ART1: variants seen among roughly 807,000 people sequenced by gnomAD.
ART1 encodes ADP-ribosyltransferase 1, also known as GPI-linked NAD(P)(+)--arginine ADP-ribosyltransferase 1.
A neutral mutation model predicts 27.0 loss-of-function variants in ART1; 29 were observed. The observed-to-expected ratio is 1.08, with a 90% confidence interval of 0.80 to 1.47. The LOEUF (loss-of-function observed/expected upper bound fraction) is 1.47. Among genes scored for constraint, ART1 ranks in the 40% most tolerant of loss-of-function variants. The pLI is 0.00. For synonymous variants in ART1, 201 were observed against 172.2 expected (o/e 1.17, Z -1.31); for missense variants, 480 against 423.0 (o/e 1.13, Z -1.18).
intron 3 of ART1, among the ~76,000 whole-genome samples, chr11:3,660,905 G>A (rs2077615058): frequency 6.6e-6 from 1 of 152,190 alleles, no homozygotes; most frequent in South Asian, 2.1e-4. Context: ...AGTGGTGGAT[G>A]CTCCTCCTGT....
In ART1 at chr11:3,664,076, C is replaced by T. The variant is rs1375699270; in HGVS notation, c.887-16C>T. 2 of 1,612,764 alleles carry T rather than the reference C, an allele frequency of 1.2e-6. No individual in the cohort carries two copies. The highest frequency in any genetic ancestry group is 1.3e-5 in the African/African-American group (1 of 74,866). On this transcript the variant is annotated splice_polypyrimidine_tract_variant and intron_variant, in intron 4 of 4. Coordinates refer to ENST00000250693, the MANE Select transcript of ART1 (RefSeq NM_004314.3). Reference sequence around the variant, plus strand: ...CTCTCTCTCTCCCCCAACCTCTCTGCCTGTTTTCCCTGCAGCCATGGGTCA... The same window carrying T: ...CTCTCTCTCTCCCCCAACCTCTCTGTCTGTTTTCCCTGCAGCCATGGGTCA...
At chr11:3,647,845 A>T (rs2077481822) in intron 1 of ART1, among the ~76,000 whole-genome samples, 1 of 152,114 alleles carries the variant, frequency 6.6e-6, no homozygotes, top group Admixed American at 6.6e-5. Flanking sequence ...AAAAAAAAAA[A>T]AGTAAAGTTG....
At chr11:3,661,488 ATCTTT>A in intron 4 of ART1, 75 bp downstream of exon 4, 1 of 365,744 alleles carries the variant, frequency 2.7e-6, no homozygotes, top group Non-Finnish European at 4.5e-6. Flanking sequence ...CATCACCTCG[ATCTTT>A]TTTTTTTTTT....
intron 1 of ART1, among the ~76,000 whole-genome samples, chr11:3,648,261 C>T (rs11028762): frequency 1.3e-5 from 2 of 152,222 alleles, no homozygotes; most frequent in African/African-American, 4.8e-5. Context: ...AGCTTTATTG[C>T]TCACACAAAG....
intron 1 of ART1, among the ~76,000 whole-genome samples, chr11:3,656,739 G>A (rs897058227): frequency 8.6e-5 from 13 of 151,988 alleles, no homozygotes; most frequent in Admixed American, 1.3e-4. Context: ...TAATCCTCCC[G>A]CCTCAGTCTC....
chr11:3,664,307 C>T lies in ART1; in HGVS notation c.*118C>T. The T allele has an allele frequency of 1.0e-6, 1 of 981,376 alleles. No homozygotes were observed. Among genetic ancestry groups the T allele is most frequent in the Non-Finnish European group, 1.5e-6 (1 of 645,898 alleles). The allele number at this position is 981,376 out of a possible 1,614,324, so 60.8% of individuals were successfully genotyped here. A position where few individuals can be genotyped will look rare whatever the true frequency, so the allele number is the denominator to read the frequency against. ...ATCCCATCTGCAGGGAACTCTGGGA[C>T]CTTCTCTGGTAGCTGCCAGACCGGC... is the stretch of plus-strand genomic sequence containing the variant. On this transcript the variant is annotated 3_prime_UTR_variant, in exon 5 of 5. Transcript: ENST00000250693.
intron 1 of ART1, among the ~76,000 whole-genome samples, chr11:3,653,189 T>C (rs2077540162): frequency 1.3e-5 from 2 of 148,730 alleles, no homozygotes; most frequent in Admixed American, 6.6e-5. Context: ...TTTACCACTA[T>C]TTCATTTTAT....
chr11:3,659,493 C>T, intron 2 of ART1, 90 bp from the exon 3 acceptor site: 1 of 1,464,250 alleles, frequency 6.8e-7, no homozygotes, highest in Admixed American at 2.2e-5. Context: ...GCCCTTCCTG[C>T]CTTTCTCAGT....
intron 1 of ART1, among the ~76,000 whole-genome samples, chr11:3,647,653 T>TAAATAA (rs958267996): frequency 2.1e-5 from 3 of 144,884 alleles, no homozygotes; most frequent in Admixed American, 6.7e-5. Flanking sequence ...AAATAATATA[T>TAAATAA]AAATAAAAAT....
chr11:3,655,982 G>C (rs1004431597), intron 1 of ART1, among the ~76,000 whole-genome samples: 5 of 136,760 alleles, frequency 3.7e-5, no homozygotes, highest in Non-Finnish European at 7.6e-5. Flanking sequence ...GCCCAGGCTA[G>C]AGAGCAATGG....
rs927702624 is a variant in ART1, at chr11:3,660,091, C to A, written c.572C>A (p.Pro191His). The A allele has an allele frequency of 6.2e-7, 1 of 1,613,632 alleles. No homozygotes were observed. The highest frequency in any genetic ancestry group is 1.3e-5 in the African/African-American group (1 of 74,934). The change falls in exon 3 of 5, where the codon CCC (proline) becomes CAC (histidine). Residue 191 changes from proline to histidine, a missense_variant. Coordinates refer to ENST00000250693, the MANE Select transcript of ART1 (RefSeq NM_004314.3). ...VHGLRFRPAGPRATVRLGGFA... is the reference protein window; with the variant it reads ...VHGLRFRPAGHRATVRLGGFA... ...GGCCTGCGCTTCCGGCCAGCAGGGC[C>A]CCGGGCCACCGTGAGGCTGGGGGGC...
chr11:3,659,389 GATCA>G, intron 2 of ART1, 113 bp downstream of exon 2: 1 of 1,506,778 alleles, frequency 6.6e-7, no homozygotes, highest in Non-Finnish European at 9.2e-7. Context: ...TTCCCCTGGG[GATCA>G]CTCAGCCCAA....
intron 1 of ART1, among the ~76,000 whole-genome samples, 191 bp from the exon 2 acceptor site, chr11:3,658,971 T>C (rs1248076222): frequency 9.8e-6 from 1 of 102,040 alleles, no homozygotes; most frequent in Non-Finnish European, 2.3e-5. Flanking sequence ...TAGTCTCCTG[T>C]TCATCCTACA....
At chr11:3,657,344 G>T (rs1399633215) in intron 1 of ART1, among the ~76,000 whole-genome samples, 1 of 152,206 alleles carries the variant, frequency 6.6e-6, no homozygotes, top group East Asian at 1.9e-4. Flanking sequence ...GGAGGCCAAG[G>T]TGGGTAGAAT....
In ART1 at chr11:3,660,215, C is replaced by G. The variant is rs2077609562; in HGVS notation, c.696C>G (p.Tyr232Ter). The G allele has an allele frequency of 2.5e-6, 4 of 1,613,976 alleles. No homozygotes were observed. Among genetic ancestry groups the G allele is most frequent in the East Asian group, 2.2e-5 (1 of 44,896 alleles). ...GCCTTGGGGCCCCTATCAAGGGCTA[C>G]TCCTTCTTCCCTGGAGAGGAAGAGG... The part of the protein sequence containing the change: ...WTCLGAPIKG[Y>*]SFFPGEEEVL... Residue 232 changes from tyrosine (Y) to a stop codon, truncating the protein, a stop_gained, in exon 3 of 5, where the codon TAC (tyrosine) becomes TAG (stop). Transcript: ENST00000250693. LOFTEE classifies it high-confidence loss of function.
chr11:3,652,475 A>G (rs56043158), intron 1 of ART1, among the ~76,000 whole-genome samples: 4 of 151,676 alleles, frequency 2.6e-5, no homozygotes, highest in African/African-American at 7.3e-5. Flanking sequence ...AACACACCTC[A>G]TCAAGCTCAG....
intron 1 of ART1, among the ~76,000 whole-genome samples, chr11:3,649,673 G>A (rs1278049915): frequency 1.3e-5 from 2 of 152,008 alleles, no homozygotes; most frequent in East Asian, 1.9e-4. Flanking sequence ...CCTCACACCC[G>A]GTCTGGTTTA....
chr11:3,656,104 TTG>T (rs573262700), intron 1 of ART1, among the ~76,000 whole-genome samples: 125 of 152,060 alleles, frequency 8.2e-4, no homozygotes, highest in Admixed American at 2.1e-3. Context: ...AGCTAATTTT[TTG>T]TAATTTTAGT....
At chr11:3,651,005 A>C (rs1291277334) in intron 1 of ART1, among the ~76,000 whole-genome samples, 2 of 151,982 alleles carry the variant, frequency 1.3e-5, no homozygotes, top group Non-Finnish European at 2.9e-5. Context: ...TTTAAAGCCT[A>C]TAAACTCTCC....
Sources: gnomAD v4.1 joint callset for allele counts (sites outside exome capture counted in the v4.1 genomes callset) on GRCh38, gnomAD v4.1.1 for gene constraint, MANE v1.5 for transcripts, NCBI Gene and HGNC (gene_info 2026-07-23, HGNC 2026-07-21) for gene names.